The following CEP85 variants were observed in gnomAD, a reference collection of about 807,000 sequenced individuals.
CEP85 encodes centrosomal protein 85.
A neutral mutation model predicts 93.7 loss-of-function variants in CEP85; 58 were observed. The observed-to-expected ratio is 0.62, with a 90% CI of 0.50 to 0.77. CEP85 has a LOEUF of 0.77. Ranked by LOEUF, CEP85 falls within the 30% of genes least tolerant of loss-of-function variation. The pLI is 0.00. For synonymous variants in CEP85, 314 were observed against 338.6 expected, an observed-to-expected ratio of 0.93 and a Z score of 0.80; for missense variants, 868 against 922.0, an observed-to-expected ratio of 0.94 and a Z score of 0.76.
chr1:26,258,710 C>T (rs1346752301), intron 6 of CEP85, among the ~76,000 whole-genome samples: 1 of 152,062 alleles, frequency 6.6e-6, no homozygotes, highest in Non-Finnish European at 1.5e-5. Flanking sequence ...AATTCTCCTG[C>T]CTCAGCCTCC....
intron 7 of CEP85, among the ~76,000 whole-genome samples, chr1:26,263,941 G>A (rs12138111): frequency 0.17 from 25,519 of 152,092 alleles, 2,241 homozygotes; most frequent in Middle Eastern, 0.21. Context: ...TGTGGGACTC[G>A]AGTATGAGCA....
Position 26,277,005 on chromosome 1 carries a change from GT to G in CEP85, c.2129-130del, listed in dbSNP as rs1317852574. The G allele has an allele frequency of 4.9e-6, 5 of 1,015,970 alleles. No individual in the cohort carries two copies. In the Admixed American group the frequency reaches 8.8e-5, roughly 18 times the overall value. The allele number at this position is 1,015,970 out of a possible 1,614,324, so 62.9% of individuals were successfully genotyped here. The stretch of plus-strand genomic sequence containing the variant: ...ACCTTCAGCAGCAAATTAACCCACT[GT>G]CCCCAGATGCTTTTTTTAAAGTGCA... On this transcript the variant is annotated intron_variant, in intron 13 of 13. Transcript: ENST00000451429.
intron 7 of CEP85, among the ~76,000 whole-genome samples, chr1:26,267,015 T>G (rs550879278): frequency 6.6e-6 from 1 of 152,356 alleles, no homozygotes; most frequent in African/African-American, 2.4e-5. Context: ...TTATGTATAC[T>G]TCTGCAGTCC....
At chr1:26,257,575 T>C (rs766731821) in intron 4 of CEP85, 22 bp from the exon 5 acceptor site, 1 of 1,613,604 alleles carries the variant, frequency 6.2e-7, no homozygotes, top group Non-Finnish European at 8.5e-7. Context: ...ATCAAGCTCA[T>C]CTGGGCCTAC....
intron 11 of CEP85, 140 bp from the exon 12 acceptor site, chr1:26,274,824 C>T: frequency 1.5e-6 from 1 of 648,024 alleles, no homozygotes; most frequent in Non-Finnish European, 2.7e-6. Flanking sequence ...GGTCACAAAT[C>T]AGGACTGTTC....
intron 3 of CEP85, among the ~76,000 whole-genome samples, chr1:26,252,452 A>T (rs2089633953): frequency 6.6e-6 from 1 of 152,030 alleles, no homozygotes; most frequent in South Asian, 2.1e-4. Flanking sequence ...GAATCGCTTG[A>T]ACCCAGGAGG....
intron 10 of CEP85, chr1:26,271,798 C>T (rs1294192061): frequency 1.8e-6 from 1 of 565,078 alleles, no homozygotes; most frequent in African/African-American, 1.9e-5. Flanking sequence ...GTTCACACTA[C>T]ATTCCTGTAT....
chr1:26,266,275 C>G (rs1553160870), intron 7 of CEP85, among the ~76,000 whole-genome samples: 1 of 152,054 alleles, frequency 6.6e-6, no homozygotes, highest in Non-Finnish European at 1.5e-5. Context: ...GTAGTCTAAG[C>G]TACTGAGAGG....
intron 3 of CEP85, among the ~76,000 whole-genome samples, chr1:26,249,269 A>G (rs1446909355): frequency 6.6e-6 from 1 of 152,188 alleles, no homozygotes; most frequent in Non-Finnish European, 1.5e-5. Flanking sequence ...TTTAGTAAAG[A>G]CGGGGTTTCA....
chr1:26,248,429 G>A (rs2089544626), intron 3 of CEP85, among the ~76,000 whole-genome samples: 1 of 152,064 alleles, frequency 6.6e-6, no homozygotes, highest in Non-Finnish European at 1.5e-5. Context: ...ACATTCTAGT[G>A]CATTTTTTAA....
At chr1:26,241,246 T>TTTTTTTTTTTG (rs1322994225) in intron 2 of CEP85, among the ~76,000 whole-genome samples, 1 of 130,702 alleles carries the variant, frequency 7.7e-6, no homozygotes, top group Non-Finnish European at 1.6e-5. Context: ...TCAGCAGAAT[T>TTTTTTTTTTTG]TTTTTTTTTT....
rs528156145 is a variant in CEP85 at position 26,268,508 on chromosome 1, A to G, written c.1367A>G (p.Asn456Ser). ...GTCAAAGGTCGTGATAAACATATCAATAATTTGAAAAAGAAATGCCAGAAG... is the reference window on the plus strand; with the variant it reads ...GTCAAAGGTCGTGATAAACATATCAGTAATTTGAAAAAGAAATGCCAGAAG... ...ERVKGRDKHINNLKKKCQKES... is the reference protein window; with the variant it reads ...ERVKGRDKHISNLKKKCQKES... Residue 456 changes from asparagine (N) to serine (S), a missense_variant, in exon 8 of 14, where the codon AAT (asparagine) becomes AGT (serine). Asn to Ser is a conservative substitution (Grantham distance 46). Transcript: ENST00000451429. 45 of 1,614,200 alleles carry G rather than the reference A, an allele frequency of 2.8e-5. No homozygotes were observed. In the East Asian group the frequency reaches 4.2e-4, roughly 15 times the overall value.
intron 4 of CEP85, among the ~76,000 whole-genome samples, chr1:26,256,928 G>GGTGTGTGTGTGTGTGT (rs71004573): frequency 0.066 from 7,348 of 111,354 alleles, 447 homozygotes; most frequent in African/African-American, 0.12. Context: ...GTTTTGTTTT[G>GGTGTGTGTGTGTGTGT]GTGTGTGTGT....
intron 1 of CEP85, among the ~76,000 whole-genome samples, chr1:26,238,813 A>G (rs1172157468): frequency 6.6e-6 from 1 of 152,218 alleles, no homozygotes; most frequent in African/African-American, 2.4e-5. Flanking sequence ...CTTCAAATCC[A>G]CTTCTGCTGA....
rs748230113 is a variant in CEP85, at chr1:26,269,782, CT to C, written c.1649+190del. The stretch of plus-strand genomic sequence containing the variant: ...TAGGAAAGCTGCTTATGGGAAGCGG[CT>C]TTTTTTTTTTTTTTTTTTTTTGAGA... On this transcript the variant is annotated intron_variant, in intron 9 of 13. Coordinates refer to ENST00000451429, the MANE Select transcript of CEP85 (RefSeq NM_001319944.2). 9.4e-3 allele frequency among the ~76,000 whole-genome samples: 794 copies of C among 84,652 alleles called. 5 individuals are homozygous for C. Among genetic ancestry groups the C allele is most frequent in the African/African-American group, 0.033 (712 of 21,576 alleles). 55.5% of individuals were successfully genotyped at this position (84,652 alleles called of 152,430 possible). A position where few individuals can be genotyped will look rare whatever the true frequency, so the allele number is the denominator to read the frequency against.
intron 3 of CEP85, among the ~76,000 whole-genome samples, chr1:26,246,084 T>C (rs1368133887): frequency 6.6e-6 from 1 of 152,190 alleles, no homozygotes; most frequent in Admixed American, 6.5e-5. Context: ...CTGTGCACTC[T>C]TTTTAAATTG....
At position 26,239,759 on chromosome 1, in the gene CEP85, C is replaced by T; in HGVS notation, c.-22-3C>T. The T allele has an allele frequency of 6.3e-7, 1 of 1,578,080 alleles. No homozygotes were observed. Among genetic ancestry groups the T allele is most frequent in the Non-Finnish European group, 8.7e-7 (1 of 1,147,252 alleles). On this transcript the variant is annotated splice_polypyrimidine_tract_variant and splice_region_variant and intron_variant, in intron 1 of 13. Transcript: ENST00000451429. ...ACTGACTGGTTATTCCTTCATTCTA[C>T]AGTTGGCTTAAATAACTGTGATTGA...
intron 7 of CEP85, among the ~76,000 whole-genome samples, chr1:26,265,119 G>T (rs2089874735): frequency 6.6e-6 from 1 of 151,800 alleles, no homozygotes; most frequent in Non-Finnish European, 1.5e-5. Flanking sequence ...GAGTAGCTGG[G>T]ATTACAGGCA....
In CEP85 at chr1:26,255,676, T is replaced by C. The variant is rs1442523842; in HGVS notation, c.714T>C (p.Asn238=). 6.2e-7 allele frequency: 1 copy of C among 1,614,150 alleles called. No homozygotes were observed. Among genetic ancestry groups the C allele is most frequent in the East Asian group, 2.2e-5 (1 of 44,886 alleles). Residue 238 remains asparagine, a synonymous_variant, in exon 4 of 14, where the codon AAT becomes AAC. Coordinates refer to ENST00000451429, the MANE Select transcript of CEP85 (RefSeq NM_001319944.2). ...APGSGAVFER[N]GPHSNSSGVL... is the part of the protein sequence containing the mutation. The stretch of plus-strand genomic sequence containing the variant: ...GCAGCGGGGCAGTGTTTGAGCGGAA[T>C]GGACCACATTCTAATAGCAGTGGGG...
Sources: gnomAD v4.1 joint callset for allele counts (sites outside exome capture counted in the v4.1 genomes callset) on GRCh38, gnomAD v4.1.1 for gene constraint, MANE v1.5 for transcripts, NCBI Gene and HGNC (gene_info 2026-07-23, HGNC 2026-07-21) for gene names.